TET3: variants seen among roughly 807,000 people sequenced by gnomAD.
TET3 encodes methylcytosine dioxygenase TET3.
TET3 carries 19 observed loss-of-function variants against 141.4 expected under a neutral mutation model. That is an observed-to-expected ratio of 0.13 (90% CI 0.09 to 0.20). The LOEUF (loss-of-function observed/expected upper bound fraction) is 0.20, where lower values mean the gene tolerates loss of function less well. TET3 is among the 10% of genes least tolerant of loss of function. The pLI, the probability that TET3 is intolerant of heterozygous loss-of-function variation, is 1.00. For missense variants in TET3, 1,874 were observed against 2,356.9 expected (o/e 0.80, Z 4.24); for synonymous variants, 1,043 against 980.9 (o/e 1.06, Z -1.18).
intron 4 of TET3, among the ~76,000 whole-genome samples, chr2:74,066,959 A>G (rs1688937474): frequency 6.6e-6 from 1 of 152,172 alleles, no homozygotes. Context: ...TCTCCAGACA[A>G]TAGCAACTGG....
At chr2:74,109,042 A>G (rs998897179), downstream of TET3, among the ~76,000 whole-genome samples, 5 of 150,726 alleles carry the variant, frequency 3.3e-5, no homozygotes, top group Admixed American at 3.6e-4. Context: ...AAACATGTTT[A>G]TATGTTTTAC....
intron 3 of TET3, among the ~76,000 whole-genome samples, chr2:74,017,688 G>A (rs1022094404): frequency 6.6e-6 from 1 of 152,038 alleles, no homozygotes; most frequent in Admixed American, 6.6e-5. Context: ...CAATACTGCC[G>A]CAGTAAACAT....
At position 74,106,097 on chromosome 2, in the gene TET3, T is replaced by TC. The variant is rs1259463809; in HGVS notation, c.*3921_*3922insC. ...AGGTGGGCTCCAGTCTCTTGGCTTT[T>TC]TTTTTTCCCTCCCCTCTTTTGGTGC... is the stretch of plus-strand genomic sequence containing the variant. On this transcript the variant is annotated 3_prime_UTR_variant, in exon 12 of 12. Transcript: ENST00000409262. The TC allele has an allele frequency of 6.6e-6, 1 of 150,926 alleles. No homozygotes were observed. Among genetic ancestry groups the TC allele is most frequent in the African/African-American group, 2.4e-5 (1 of 40,950 alleles). The allele number at this position is 150,926 out of a possible 1,614,324, so 9.3% of individuals were successfully genotyped here.
the TET3 span, among the ~76,000 whole-genome samples, chr2:74,113,278 C>T: frequency 1.3e-5 from 2 of 151,904 alleles, no homozygotes; most frequent in Admixed American, 6.6e-5. Flanking sequence ...CCCAGCTACT[C>T]GGGAGGCTGA....
intron 4 of TET3, among the ~76,000 whole-genome samples, chr2:74,050,817 G>A (rs1052268248): frequency 2.6e-5 from 4 of 151,926 alleles, no homozygotes; most frequent in African/African-American, 9.7e-5. Context: ...CTCCCAAAGT[G>A]CTGGGATTAT....
intron 4 of TET3, among the ~76,000 whole-genome samples, chr2:74,060,568 G>A (rs913598567): frequency 5.3e-5 from 8 of 151,216 alleles, no homozygotes; most frequent in South Asian, 2.1e-4. Context: ...GGTGTTTCTC[G>A]CAGAGGGGGA....
At chr2:74,045,859 C>T (rs1249950007) in intron 3 of TET3, among the ~76,000 whole-genome samples, 1 of 152,218 alleles carries the variant, frequency 6.6e-6, no homozygotes, top group East Asian at 1.9e-4. Flanking sequence ...ACACTTAGAG[C>T]ACGTGTGTAC....
chr2:74,094,556 G>T (rs541254085), intron 10 of TET3, among the ~76,000 whole-genome samples: 2 of 152,186 alleles, frequency 1.3e-5, no homozygotes, highest in Admixed American at 1.3e-4. Context: ...TGAGGTGTGT[G>T]ATGGTGGGGG....
At chr2:74,084,921 C>T (rs2104030136) in intron 6 of TET3, among the ~76,000 whole-genome samples, 1 of 151,836 alleles carries the variant, frequency 6.6e-6, no homozygotes, top group Non-Finnish European at 1.5e-5. Flanking sequence ...TGCAACAGAG[C>T]AAGACTCGGT....
intron 8 of TET3, among the ~76,000 whole-genome samples, chr2:74,091,545 C>G (rs975455435): frequency 6.6e-6 from 1 of 152,272 alleles, no homozygotes; most frequent in African/African-American, 2.4e-5. Flanking sequence ...AGCCTCACCC[C>G]CTGCTGTGCT....
At chr2:73,991,480 T>C (rs957661490) in intron 2 of TET3, among the ~76,000 whole-genome samples, 1 of 151,948 alleles carries the variant, frequency 6.6e-6, no homozygotes, top group Non-Finnish European at 1.5e-5. Context: ...CTCCTGAGGA[T>C]TGGACAGATG....
rs147353172 is a variant in TET3 at position 74,094,382 on chromosome 2, T to C, written c.3267+716T>C. On this transcript the variant is annotated intron_variant, in intron 10 of 11. Transcript: ENST00000409262. ...ACTGCAAGGGGCAGGGAGAGTGGGATTGGAGAGGCCTGCAGGGACCAGCTC... is the reference window on the plus strand; with the variant it reads ...ACTGCAAGGGGCAGGGAGAGTGGGACTGGAGAGGCCTGCAGGGACCAGCTC... 2.8e-3 allele frequency among the ~76,000 whole-genome samples: 431 copies of C among 151,786 alleles called. 3 individuals carry two copies. The highest frequency in any genetic ancestry group is 9.2e-3 in the African/African-American group (382 of 41,364).
intron 3 of TET3, among the ~76,000 whole-genome samples, chr2:74,015,349 A>G (rs963998854): frequency 1.3e-5 from 2 of 152,232 alleles, no homozygotes; most frequent in African/African-American, 2.4e-5. Context: ...AAATAAATCA[A>G]TATAAAAGTA....
At chr2:74,061,591 G>T (rs1688573682) in intron 4 of TET3, among the ~76,000 whole-genome samples, 1 of 150,732 alleles carries the variant, frequency 6.6e-6, no homozygotes, top group Non-Finnish European at 1.5e-5. Flanking sequence ...GGCCGGGCGG[G>T]GGGCTGACCC....
chr2:73,985,791 G>T (rs1282845959), intron 1 of TET3, among the ~76,000 whole-genome samples, 189 bp from the exon 2 acceptor site: 1 of 151,970 alleles, frequency 6.6e-6, no homozygotes, highest in African/African-American at 2.4e-5. Flanking sequence ...GCAGCCCTCA[G>T]GCCCGAGGCC....
At chr2:74,038,274 T>C (rs957751166) in intron 3 of TET3, among the ~76,000 whole-genome samples, 15 of 152,148 alleles carry the variant, frequency 9.9e-5, no homozygotes, top group Non-Finnish European at 2.1e-4. Flanking sequence ...TCTTCTTGGA[T>C]CTGAGAAGGG....
intron 4 of TET3, among the ~76,000 whole-genome samples, chr2:74,056,173 C>G (rs1190367679): frequency 6.6e-6 from 1 of 152,198 alleles, no homozygotes; most frequent in Non-Finnish European, 1.5e-5. Context: ...CTCAGCTGTG[C>G]TCCTGTGTAC....
intron 2 of TET3, among the ~76,000 whole-genome samples, chr2:73,992,310 T>C (rs1023239524): frequency 2.0e-5 from 3 of 151,034 alleles, no homozygotes; most frequent in South Asian, 2.1e-4. Context: ...CTTTTCTTTT[T>C]TTTTTTTGTT....
intron 7 of TET3, 78 bp from the exon 8 acceptor site, chr2:74,089,819 C>T (rs1553434002): frequency 5.1e-6 from 8 of 1,556,900 alleles, no homozygotes; most frequent in Non-Finnish European, 8.7e-7. Context: ...TCAGCAGGGC[C>T]ACCCCTTGAG....
Sources: gnomAD v4.1 joint callset for allele counts (sites outside exome capture counted in the v4.1 genomes callset) on GRCh38, gnomAD v4.1.1 for gene constraint, MANE v1.5 for transcripts, NCBI Gene and HGNC (gene_info 2026-07-23, HGNC 2026-07-21) for gene names.